MCCC2: variants seen among roughly 807,000 people sequenced by gnomAD.
The protein encoded by MCCC2 is methylcrotonoyl-CoA carboxylase beta chain, mitochondrial.
In MCCC2, 52 loss-of-function variants were observed where a neutral mutation model predicts 77.2. The observed-to-expected ratio is 0.67, with a 90% CI of 0.54 to 0.85. The LOEUF is 0.85. Ranked by LOEUF, MCCC2 falls within the 40% of genes least tolerant of loss-of-function variation. The probability of loss-of-function intolerance (pLI) is 0.00; values close to 1 mark genes in which losing one functional copy is unlikely to be tolerated. For missense variants in MCCC2, 682 were observed against 703.2 expected, an observed-to-expected ratio of 0.97 and a Z score of 0.34; for synonymous variants, 253 against 248.4, an observed-to-expected ratio of 1.02 and a Z score of -0.18.
At chr5:71,611,753 C>T (rs771018780) in intron 6 of MCCC2, among the ~76,000 whole-genome samples, 30 of 151,490 alleles carry the variant, frequency 2.0e-4, no homozygotes, top group East Asian at 5.8e-4. Context: ...GGTAGATAGG[C>T]GCTTCAACTA....
Position 71,627,931 on chromosome 5 carries a change from C to T in MCCC2, c.738+1178C>T, listed in dbSNP as rs567308545. Among the ~76,000 whole-genome samples, 74 of 152,232 alleles carry T rather than the reference C, an allele frequency of 4.9e-4. 2 individuals carry two copies. The South Asian group carries it at 0.014, about 29-fold the overall frequency. ...TGATCTTGGCTCACTGCAACCTCCACCTCCCAGGTTCAAGTGATTCTCCTG... is the reference window on the plus strand; with the variant it reads ...TGATCTTGGCTCACTGCAACCTCCATCTCCCAGGTTCAAGTGATTCTCCTG... On this transcript the variant is annotated intron_variant, in intron 7 of 16. Coordinates refer to ENST00000340941, the MANE Select transcript of MCCC2 (RefSeq NM_022132.5).
chr5:71,618,990 G>A (rs1362221325), intron 6 of MCCC2, among the ~76,000 whole-genome samples: 2 of 152,104 alleles, frequency 1.3e-5, no homozygotes, highest in South Asian at 2.1e-4. Flanking sequence ...TCTGAAATAG[G>A]CATCATTCAT....
At chr5:71,593,562 A>T (rs951773475) in intron 2 of MCCC2, among the ~76,000 whole-genome samples, 6 of 148,882 alleles carry the variant, frequency 4.0e-5, no homozygotes, top group Non-Finnish European at 8.9e-5. Context: ...ATTTTTATTA[A>T]TTTTTTTTTT....
chr5:71,617,068 C>T (rs1349723068), intron 6 of MCCC2, among the ~76,000 whole-genome samples: 2 of 152,168 alleles, frequency 1.3e-5, no homozygotes, highest in Admixed American at 6.5e-5. Context: ...CTTCTTAGCC[C>T]GATACTTAAG....
intron 5 of MCCC2, among the ~76,000 whole-genome samples, chr5:71,603,397 CAGAG>C (rs1328844421): frequency 1.9e-5 from 2 of 103,510 alleles, no homozygotes; most frequent in African/African-American, 4.0e-5. Flanking sequence ...GCCTGGGCGA[CAGAG>C]AGAGAGACTG....
chr5:71,632,348 A>G (rs1406291215), intron 8 of MCCC2, among the ~76,000 whole-genome samples, 163 bp downstream of exon 8: 2 of 152,162 alleles, frequency 1.3e-5, no homozygotes, highest in African/African-American at 4.8e-5. Context: ...TGAACTGTAG[A>G]GTTGCATTTC....
In MCCC2 at chr5:71,641,064, C is replaced by T; in HGVS notation, c.1061C>T (p.Thr354Ile). Residue 354 changes from threonine to isoleucine, a missense_variant, in exon 11 of 17, where the codon ACA (threonine) becomes ATA (isoleucine). By Grantham distance (89) the Thr-to-Ile change is moderately conservative. Transcript: ENST00000340941. ...GAGTTCAAAGCCTTTTATGGAGACA[C>T]ATTAGTTACAGGTATAAAGGTGAAG... ...FTEFKAFYGD[T>I]LVTGFARIFG... The T allele has an allele frequency of 6.2e-7, 1 of 1,613,542 alleles. No homozygotes were observed. Among genetic ancestry groups the T allele is most frequent in the East Asian group, 2.2e-5 (1 of 44,852 alleles).
intron 1 of MCCC2, 93 bp downstream of exon 1, chr5:71,587,647 CG>C (rs1294681264): frequency 1.4e-6 from 2 of 1,464,600 alleles, no homozygotes; most frequent in African/African-American, 2.8e-5. Context: ...CTCTCTTGTC[CG>C]GAGCCCCAGT....
intron 1 of MCCC2, among the ~76,000 whole-genome samples, chr5:71,592,067 C>CTGTTCTT (rs1745005487): frequency 6.6e-6 from 1 of 152,190 alleles, no homozygotes; most frequent in Admixed American, 6.5e-5. Flanking sequence ...CACACTCAGC[C>CTGTTCTT]TGTTCTTTTT....
At chr5:71,602,763 A>C (rs1745491911) in intron 5 of MCCC2, 130 bp downstream of exon 5, 1 of 1,364,542 alleles carries the variant, frequency 7.3e-7, no homozygotes. Context: ...ATTATAAAGG[A>C]AACACAGGTT....
intron 8 of MCCC2, among the ~76,000 whole-genome samples, chr5:71,633,916 A>G (rs1044059527): frequency 2.6e-5 from 4 of 152,210 alleles, no homozygotes; most frequent in African/African-American, 9.6e-5. Flanking sequence ...AAACTGAAAA[A>G]GATCTACCAT....
Position 71,650,194 on chromosome 5 carries a change from T to C in MCCC2, c.1488+11T>C. 2 of 1,610,148 alleles carry C rather than the reference T, an allele frequency of 1.2e-6. No homozygotes were observed. Among genetic ancestry groups the C allele is most frequent in the Non-Finnish European group, 1.7e-6 (2 of 1,176,546 alleles). The stretch of plus-strand genomic sequence containing the variant: ...CGGGAAGGAAAGCAGGTCGGTGTCG[T>C]TTTCTCTTGTTTCTCTCTGGTTTTG... On this transcript the variant is annotated intron_variant, in intron 15 of 16. Transcript: ENST00000340941.
rs1580319814 is a variant in MCCC2 at position 71,635,028 on chromosome 5, CAG to C, written c.891_892del (p.Lys298GlufsTer7). On this transcript the variant is annotated frameshift_variant, in exon 9 of 17. Coordinates refer to ENST00000340941, the MANE Select transcript of MCCC2 (RefSeq NM_022132.5). LOFTEE classifies it high-confidence loss of function. Reference protein sequence around the residue: ...TRKVVRNLNYQKKLDVTIEPS... With the variant: ...TRKVVRNLNYXKKLDVTIEPS... ...GAAGGTTGTGAGGAATCTAAATTAT[CAG>C]AAGAAATTGGATGTGAGTACGATAT... is the stretch of plus-strand genomic sequence containing the variant. 2 of 1,614,086 alleles carry C rather than the reference CAG, an allele frequency of 1.2e-6. No homozygotes were observed. The highest frequency in any genetic ancestry group is 2.2e-5 in the South Asian group (2 of 91,084).
chr5:71,598,020 A>G (rs1745255572), intron 3 of MCCC2, among the ~76,000 whole-genome samples: 1 of 151,684 alleles, frequency 6.6e-6, no homozygotes, highest in African/African-American at 2.4e-5. Flanking sequence ...TGAGGGTCAC[A>G]ATAAGATCCA....
chr5:71,657,434 A>AT lies in MCCC2; in HGVS notation c.*584dup, dbSNP rs914533103. 1.1e-4 allele frequency: 16 copies of AT among 148,782 alleles called. No individual in the cohort carries two copies. The highest frequency in any genetic ancestry group is 3.9e-4 in the East Asian group (2 of 5,064). 9.2% of individuals were successfully genotyped at this position (148,782 alleles called of 1,614,324 possible). ...GAGCCCATGACATCTCCTTATTATT[A>AT]TTTTTTTTTTGAGACAGGGTGTTTC... is the stretch of plus-strand genomic sequence containing the variant. On this transcript the variant is annotated 3_prime_UTR_variant, in exon 17 of 17. Coordinates refer to ENST00000340941, the MANE Select transcript of MCCC2 (RefSeq NM_022132.5).
rs374838699 is a variant in MCCC2, at chr5:71,632,088, C to T, written c.739-33C>T. Reference sequence around the variant, plus strand: ...AAGCATTTTTATATGTCTGATGGACCGATTTCACTGATGATTTTTATCCTT... The same window carrying T: ...AAGCATTTTTATATGTCTGATGGACTGATTTCACTGATGATTTTTATCCTT... On this transcript the variant is annotated intron_variant, in intron 7 of 16. Transcript: ENST00000340941. The T allele has an allele frequency of 6.2e-6, 10 of 1,601,840 alleles. No individual in the cohort carries two copies. The African/African-American group carries it at 6.7e-5, about 11-fold the overall frequency.
chr5:71,614,278 C>A (rs1007451168), intron 6 of MCCC2, among the ~76,000 whole-genome samples: 1 of 151,966 alleles, frequency 6.6e-6, no homozygotes, highest in African/African-American at 2.4e-5. Flanking sequence ...AACCTAAACC[C>A]GTCATTTATG....
At chr5:71,608,560 C>T (rs1387705687) in intron 6 of MCCC2, among the ~76,000 whole-genome samples, 1 of 151,186 alleles carries the variant, frequency 6.6e-6, no homozygotes, top group African/African-American at 2.4e-5. Context: ...TTAATTGGAG[C>T]ATTTAGTCCA....
intron 6 of MCCC2, among the ~76,000 whole-genome samples, chr5:71,615,692 G>A (rs1256933013): frequency 6.6e-6 from 1 of 152,142 alleles, no homozygotes; most frequent in African/African-American, 2.4e-5. Context: ...GGGGCACTAG[G>A]AGGCTCTTTT....
Sources: gnomAD v4.1 joint callset for allele counts (sites outside exome capture counted in the v4.1 genomes callset) on GRCh38, gnomAD v4.1.1 for gene constraint, MANE v1.5 for transcripts, NCBI Gene and HGNC (gene_info 2026-07-23, HGNC 2026-07-21) for gene names.